NXF1: variants seen among roughly 807,000 people sequenced by gnomAD.
NXF1 encodes mRNA export factor TAP.
NXF1 carries 43 observed loss-of-function variants against 92.4 expected under a neutral mutation model. That is an observed-to-expected ratio of 0.47 (90% confidence interval 0.36 to 0.60). The LOEUF (loss-of-function observed/expected upper bound fraction) is 0.60, where lower values mean the gene tolerates loss of function less well. Among genes scored for constraint, NXF1 ranks in the 20% least tolerant of loss-of-function variants. The pLI is 0.00. For synonymous variants in NXF1, 288 were observed against 292.2 expected (o/e 0.99, Z 0.15); for missense variants, 576 against 793.0 (o/e 0.73, Z 3.29).
At chr11:62,805,207 CGCGCCGCTCCCCGCGGACGCCGG>C in intron 1 of NXF1, 99 bp downstream of exon 1, 1 of 903,760 alleles carries the variant, frequency 1.1e-6, no homozygotes, top group South Asian at 3.6e-5. Flanking sequence ...CGGCCCCCCG[CGCGCCGCTCCCCGCGGACGCCGG>C]GCCCCTAGCG....
Position 62,796,336 on chromosome 11 carries a change from T to C in NXF1, c.1296A>G (p.Leu432=). ...FIPQNPARSS[L]AEYFKDSRNV... ...TTCTGCTATCCTTGAAATACTCGGCTAAGCTGCTTCTGGGGGAATAAAAGG... is the reference window on the plus strand; with the variant it reads ...TTCTGCTATCCTTGAAATACTCGGCCAAGCTGCTTCTGGGGGAATAAAAGG... Residue 432 remains leucine (L), a synonymous_variant, in exon 15 of 21, where the codon TTA becomes TTG. Coordinates refer to ENST00000294172, the MANE Select transcript of NXF1 (RefSeq NM_006362.5). 6.2e-7 allele frequency: 1 copy of C among 1,614,152 alleles called. No homozygotes were observed. Among genetic ancestry groups the C allele is most frequent in the Non-Finnish European group, 8.5e-7 (1 of 1,180,020 alleles).
intron 3 of NXF1, among the ~76,000 whole-genome samples, chr11:62,803,106 G>A (rs1048568977): frequency 1.3e-5 from 2 of 152,066 alleles, no homozygotes; most frequent in African/African-American, 2.4e-5. Flanking sequence ...AGATCATGAC[G>A]TCAGGAGTTC....
Position 62,792,431 on chromosome 11 carries a change from C to T in NXF1, c.*45G>A, listed in dbSNP as rs757123963. 2 of 1,611,630 alleles carry T rather than the reference C, an allele frequency of 1.2e-6. No individual in the cohort carries two copies. The highest frequency in any genetic ancestry group is 1.1e-5 in the South Asian group (1 of 91,062). ...CAGACGACAACCAGACGGTAATATC[C>T]AAGGACTATTTACAGGGGGGACTGC... is the stretch of plus-strand genomic sequence containing the variant. On this transcript the variant is annotated 3_prime_UTR_variant, in exon 21 of 21. Transcript: ENST00000294172.
chr11:62,798,898 G>C, intron 10 of NXF1: 1 of 1,135,388 alleles, frequency 8.8e-7, no homozygotes, highest in Non-Finnish European at 1.1e-6. Flanking sequence ...CACCTGTGCA[G>C]CCCCGGGAGG....
At position 62,801,321 on chromosome 11, in the gene NXF1, G is replaced by C. The variant is rs769464415; in HGVS notation, c.798+8C>G. 6.2e-7 allele frequency: 1 copy of C among 1,613,728 alleles called. No homozygotes were observed. The highest frequency in any genetic ancestry group is 2.2e-5 in the East Asian group (1 of 44,904). ...TCCTCATGCCTAATACTGGGCCAAA[G>C]GCCTTACCTCAGGGATGTTCTCTTC... On this transcript the variant is annotated splice_region_variant and intron_variant, in intron 8 of 20. Coordinates refer to ENST00000294172, the MANE Select transcript of NXF1 (RefSeq NM_006362.5).
intron 11 of NXF1, 44 bp downstream of exon 11, chr11:62,798,495 T>A (rs1590951828): frequency 1.3e-6 from 2 of 1,598,558 alleles, no homozygotes; most frequent in African/African-American, 2.7e-5. Context: ...TCCTTGTGAG[T>A]GAGAGATGCT....
In NXF1 at chr11:62,801,545, A is replaced by G. The variant is rs2084478673; in HGVS notation, c.709+17T>C. 4 of 1,613,450 alleles carry G rather than the reference A, an allele frequency of 2.5e-6. No individual in the cohort carries two copies. The highest frequency in any genetic ancestry group is 3.4e-6 in the Non-Finnish European group (4 of 1,179,474). ...CCTTATCACCACCTATCTGAGAACT[A>G]CTGCTGTCAACCATACCTGGGTCTG... is the stretch of plus-strand genomic sequence containing the variant. On this transcript the variant is annotated intron_variant, in intron 7 of 20. Coordinates refer to ENST00000294172, the MANE Select transcript of NXF1 (RefSeq NM_006362.5).
chr11:62,802,304 C>T, intron 3 of NXF1, 44 bp from the exon 4 acceptor site: 1 of 1,528,564 alleles, frequency 6.5e-7, no homozygotes, highest in East Asian at 2.3e-5. Flanking sequence ...ATAAGTAAGG[C>T]TGAATAGCAG....
chr11:62,805,432 G>A lies in NXF1; in HGVS notation c.-76C>T, dbSNP rs192863630. ...AACAACCTAACTCCCAAGCGCTCAG[G>A]ACCGAAGTGTCCCTACGCCGGGCGC... On this transcript the variant is annotated 5_prime_UTR_variant, in exon 1 of 21. Transcript: ENST00000294172. 5.1e-5 allele frequency: 82 copies of A among 1,597,082 alleles called. No individual in the cohort carries two copies. The highest frequency in any genetic ancestry group is 1.5e-4 in the African/African-American group (11 of 74,022).
chr11:62,803,537 T>G lies in NXF1; in HGVS notation c.251A>C (p.Asp84Ala). 6.2e-7 allele frequency: 1 copy of G among 1,614,060 alleles called. No homozygotes were observed. The highest frequency in any genetic ancestry group is 8.5e-7 in the Non-Finnish European group (1 of 1,180,012). ...PYTTRPNRRG[D>A]TWHDRDRIHV... is the part of the protein sequence containing the mutation. ...AATGCGATCTCGATCATGCCAAGTATCACCCCGACGGTTAGGTCGGGTGGT... is the reference window on the plus strand; with the variant it reads ...AATGCGATCTCGATCATGCCAAGTAGCACCCCGACGGTTAGGTCGGGTGGT... Residue 84 changes from aspartate to alanine, a missense_variant, in exon 3 of 21, where the codon GAT becomes GCT. Around this residue, in one of 2 missense-constraint regions of NXF1, gnomAD observed 151 missense variants for 157.8 expected, o/e 0.96. Transcript: ENST00000294172.
chr11:62,794,260 C>G lies in NXF1; in HGVS notation c.1758G>C (p.Gln586His). The change falls in exon 19 of 21, where the codon CAG (glutamine) becomes CAC (histidine). Residue 586 changes from glutamine (Q) to histidine (H), a missense_variant and splice_region_variant. Transcript: ENST00000294172. Reference protein sequence around the residue: ...TQSGMNLEWSQKCLQDNNWDY... With the variant: ...TQSGMNLEWSHKCLQDNNWDY... ...TCCTACACATGCCCCGCACTCACTT[C>G]TGGGACCACTCGAGGTTCATGCCAG... 1.2e-6 allele frequency: 2 copies of G among 1,613,068 alleles called. No individual in the cohort carries two copies. Among genetic ancestry groups the G allele is most frequent in the Non-Finnish European group, 1.7e-6 (2 of 1,179,106 alleles).
At position 62,805,395 on chromosome 11, in the gene NXF1, G is replaced by T. The variant is rs748531250; in HGVS notation, c.-39C>A. ...TCAAGGGCGGGCTCAGGCGCTGGCC[G>T]CTACGCCGGCAAACAACCTAACTCC... On this transcript the variant is annotated 5_prime_UTR_variant, in exon 1 of 21. Transcript: ENST00000294172. 5 of 1,609,276 alleles carry T rather than the reference G, an allele frequency of 3.1e-6. No individual in the cohort carries two copies. In the East Asian group the frequency reaches 6.7e-5, roughly 22 times the overall value.
Position 62,794,968 on chromosome 11 carries a change from C to T in NXF1, c.1544G>A (p.Arg515Gln), listed in dbSNP as rs1054387983. 3 of 1,614,040 alleles carry T rather than the reference C, an allele frequency of 1.9e-6. No individual in the cohort carries two copies. Among genetic ancestry groups the T allele is most frequent in the Admixed American group, 1.7e-5 (1 of 60,008 alleles). Residue 515 changes from arginine to glutamine, a missense_variant, in exon 18 of 21, where the codon CGG becomes CAG. By Grantham distance (43) the Arg-to-Gln change is conservative. Coordinates refer to ENST00000294172, the MANE Select transcript of NXF1 (RefSeq NM_006362.5). ...GCTAGCAGGAACAGCAATGAATGTCCGGGTGAAGGCTCGCAAAGAATCCCG... is the reference window on the plus strand; with the variant it reads ...GCTAGCAGGAACAGCAATGAATGTCTGGGTGAAGGCTCGCAAAGAATCCCG... ...KSRDSLRAFT[R>Q]TFIAVPASNS...
intron 11 of NXF1, 103 bp downstream of exon 11, chr11:62,798,436 T>TA (rs373725740): frequency 0.092 from 102,371 of 1,116,124 alleles, no homozygotes; most frequent in Non-Finnish European, 0.096. Context: ...CCGTCTCAAA[T>TA]AAAAAAAAAA....
intron 11 of NXF1, 58 bp from the exon 12 acceptor site, chr11:62,797,444 G>C: frequency 6.7e-7 from 1 of 1,495,320 alleles, no homozygotes; most frequent in Non-Finnish European, 9.2e-7. Context: ...TCACACCTGT[G>C]ATCCCAGAAC....
At chr11:62,794,176 CAAAA>C (rs1280664276) in intron 19 of NXF1, 78 bp downstream of exon 19, 32 of 1,334,202 alleles carry the variant, frequency 2.4e-5, no homozygotes, top group Non-Finnish European at 3.0e-5. Flanking sequence ...AAAAAAAAAA[CAAAA>C]AAACTGTCAG....
chr11:62,795,089 A>G, intron 17 of NXF1, 82 bp from the exon 18 acceptor site: 1 of 1,317,744 alleles, frequency 7.6e-7, no homozygotes, highest in Non-Finnish European at 1.1e-6. Flanking sequence ...GGTCTTTGAT[A>G]TAAAGAATCC....
intron 1 of NXF1, chr11:62,804,979 A>G: frequency 4.2e-6 from 1 of 239,730 alleles, no homozygotes; most frequent in African/African-American, 2.3e-5. Context: ...ACGCAGTAAA[A>G]AATAGGGCAT....
At chr11:62,805,203 C>A (rs2084522728) in intron 1 of NXF1, 126 bp downstream of exon 1, 4 of 871,522 alleles carry the variant, frequency 4.6e-6, no homozygotes, top group Non-Finnish European at 6.3e-6. Flanking sequence ...TGCCCGGCCC[C>A]CCGCGCGCCG....
Sources: gnomAD v4.1 joint callset for allele counts (sites outside exome capture counted in the v4.1 genomes callset) on GRCh38, gnomAD v4.1.1 for gene constraint, gnomAD v4.1.1 regional missense constraint, MANE v1.5 for transcripts, NCBI Gene and HGNC (gene_info 2026-07-23, HGNC 2026-07-21) for gene names.